Variants in SNX13 observed in about 807,000 individuals in gnomAD.
SNX13 encodes sorting nexin-13.
In SNX13, 45 loss-of-function variants were observed where a neutral mutation model predicts 133.6. The ratio of observed to expected loss-of-function variants is 0.34; its 90% CI spans 0.27 to 0.43. SNX13 has a LOEUF of 0.43. SNX13 is among the 20% of genes least tolerant of loss of function. The pLI, the probability that SNX13 is intolerant of heterozygous loss-of-function variation, is 1.00. For synonymous variants in SNX13, 414 were observed against 373.9 expected (o/e 1.11, Z -1.24); for missense variants, 1,032 against 1,145.1 (o/e 0.90, Z 1.43).
chr7:17,893,239 C>A, intron 3 of SNX13, 93 bp downstream of exon 3: 1 of 780,950 alleles, frequency 1.3e-6, no homozygotes, highest in Non-Finnish European at 2.0e-6. Flanking sequence ...GTAAACTATA[C>A]GAAAATTTGT....
At chr7:17,859,541 C>T (rs960457160) in intron 9 of SNX13, among the ~76,000 whole-genome samples, 1 of 152,142 alleles carries the variant, frequency 6.6e-6, no homozygotes, top group South Asian at 2.1e-4. Flanking sequence ...TGGTCAAAAA[C>T]AGAAAACATA....
At chr7:17,937,116 T>C (rs1297883220) in intron 1 of SNX13, among the ~76,000 whole-genome samples, 1 of 149,746 alleles carries the variant, frequency 6.7e-6, no homozygotes, top group Non-Finnish European at 1.5e-5. Context: ...GACTAGCAAG[T>C]TTTCTAAATA....
chr7:17,905,274 G>C (rs1312529775), intron 1 of SNX13, among the ~76,000 whole-genome samples: 1 of 152,098 alleles, frequency 6.6e-6, no homozygotes. Context: ...AATTATTTTG[G>C]AGGCTTCATA....
intron 9 of SNX13, among the ~76,000 whole-genome samples, chr7:17,854,183 T>G (rs1260184985): frequency 6.6e-6 from 1 of 152,182 alleles, no homozygotes; most frequent in Non-Finnish European, 1.5e-5. Flanking sequence ...TGGAGTAAAT[T>G]ATGCATGCAG....
At chr7:17,809,488 C>T (rs984901277) in intron 20 of SNX13, among the ~76,000 whole-genome samples, 2 of 151,986 alleles carry the variant, frequency 1.3e-5, no homozygotes, top group African/African-American at 4.8e-5. Context: ...AAGAGACCTA[C>T]AAAGAGACTT....
At chr7:17,892,651 C>A (rs1209817715) in intron 3 of SNX13, among the ~76,000 whole-genome samples, 1 of 151,950 alleles carries the variant, frequency 6.6e-6, no homozygotes, top group Non-Finnish European at 1.5e-5. Flanking sequence ...TAATATTGGA[C>A]ATTATTTACT....
chr7:17,816,298 CAAA>C lies in SNX13; in HGVS notation c.1846-12_1846-10del. ...CTTGAGAGACTTTCAAACTGTAAGA[CAAA>C]ATACATTCAATAGCACTTTTTATAA... is the stretch of plus-strand genomic sequence containing the variant. On this transcript the variant is annotated splice_polypyrimidine_tract_variant and intron_variant, in intron 18 of 25. Transcript: ENST00000428135. 5 of 1,533,186 alleles carry C rather than the reference CAAA, an allele frequency of 3.3e-6. No homozygotes were observed. The highest frequency in any genetic ancestry group is 4.4e-6 in the Non-Finnish European group (5 of 1,138,382). 95.0% of individuals were successfully genotyped at this position (1,533,186 alleles called of 1,614,324 possible).
At chr7:17,833,247 C>A (rs1788731740) in intron 15 of SNX13, among the ~76,000 whole-genome samples, 2 of 151,582 alleles carry the variant, frequency 1.3e-5, no homozygotes, top group Admixed American at 6.6e-5. Context: ...TAAAGGCTAT[C>A]CCTCCCACTA....
intron 15 of SNX13, chr7:17,832,283 A>G (rs1788586974): frequency 1.0e-6 from 1 of 984,504 alleles, no homozygotes; most frequent in African/African-American, 1.7e-5. Flanking sequence ...TGAAGAAGAC[A>G]GACTGGCTAG....
Position 17,793,404 on chromosome 7 carries a change from A to G in SNX13, c.*641T>C, listed in dbSNP as rs1583427241. On this transcript the variant is annotated 3_prime_UTR_variant, in exon 26 of 26. Transcript: ENST00000428135. Reference sequence around the variant, plus strand: ...TAAAAATTGTTGTATACCAATGAATAACAAATCCAATCAAATTCTGTGTTT... The same window carrying G: ...TAAAAATTGTTGTATACCAATGAATGACAAATCCAATCAAATTCTGTGTTT... 2.0e-5 allele frequency: 3 copies of G among 152,080 alleles called. No homozygotes were observed. The highest frequency in any genetic ancestry group is 2.0e-4 in the Admixed American group (3 of 15,238). 9.4% of individuals were successfully genotyped at this position (152,080 alleles called of 1,614,324 possible). A position where few individuals can be genotyped will look rare whatever the true frequency, so the allele number is the denominator to read the frequency against.
intron 1 of SNX13, among the ~76,000 whole-genome samples, chr7:17,911,030 T>G (rs376629396): frequency 1.3e-5 from 2 of 152,172 alleles, no homozygotes; most frequent in East Asian, 3.9e-4. Flanking sequence ...AAATGGCTAA[T>G]TTTACATTAT....
At chr7:17,841,758 T>TA (rs1176943792) in intron 12 of SNX13, among the ~76,000 whole-genome samples, 2 of 150,910 alleles carry the variant, frequency 1.3e-5, no homozygotes, top group African/African-American at 4.9e-5. Context: ...AAGAAAGATG[T>TA]AAAAAAGTCA....
intron 1 of SNX13, among the ~76,000 whole-genome samples, chr7:17,932,259 TAAC>T (rs1351480299): frequency 6.6e-6 from 1 of 152,188 alleles, no homozygotes; most frequent in Non-Finnish European, 1.5e-5. Flanking sequence ...TATATCAAAG[TAAC>T]AACCTAATCA....
At position 17,875,519 on chromosome 7, in the gene SNX13, A is replaced by G; in HGVS notation, c.625T>C (p.Cys209Arg). 6.2e-7 allele frequency: 1 copy of G among 1,610,672 alleles called. No homozygotes were observed. Among genetic ancestry groups the G allele is most frequent in the Admixed American group, 1.7e-5 (1 of 59,474 alleles). ...GGGGAAGTGCACACTAGATCACGGC[A>G]AACCTCCTTCTCCATTTCAACTTCA... ...EVEVEMEKEV[C>R]RDLVCTSPKD... The change falls in exon 7 of 26, where the codon TGC becomes CGC. Residue 209 changes from cysteine (C) to arginine (R), a missense_variant. Physicochemically the swap from Cys to Arg is radical, Grantham distance 180. Transcript: ENST00000428135.
chr7:17,911,562 C>G (rs1403444827), intron 1 of SNX13, among the ~76,000 whole-genome samples: 1 of 150,646 alleles, frequency 6.6e-6, no homozygotes, highest in East Asian at 2.0e-4. Flanking sequence ...CTGCTTGAAC[C>G]AGGAAGCAGA....
rs549478674 is a variant in SNX13 at position 17,803,698 on chromosome 7, T to C, written c.2065-118A>G. 2.1e-5 allele frequency: 18 copies of C among 856,396 alleles called. No homozygotes were observed. The South Asian group carries it at 3.3e-4, about 16-fold the overall frequency. 53.0% of individuals were successfully genotyped at this position (856,396 alleles called of 1,614,324 possible). On this transcript the variant is annotated intron_variant, in intron 20 of 25. Transcript: ENST00000428135. The stretch of plus-strand genomic sequence containing the variant: ...AAAGATGCAGTAATTTTCTGGTCTA[T>C]ATTATGTCGTTACATTTTAAAAGTA...
intron 5 of SNX13, among the ~76,000 whole-genome samples, chr7:17,878,841 T>C (rs1233393373): frequency 6.6e-6 from 1 of 152,154 alleles, no homozygotes; most frequent in African/African-American, 2.4e-5. Context: ...TTTCTTTCCA[T>C]TTGTCAAGTG....
chr7:17,877,346 A>G (rs1794845608), intron 5 of SNX13, among the ~76,000 whole-genome samples: 1 of 152,070 alleles, frequency 6.6e-6, no homozygotes, highest in African/African-American at 2.4e-5. Flanking sequence ...ATAAAAACTT[A>G]AACCTAGCAG....
intron 4 of SNX13, 97 bp downstream of exon 4, chr7:17,891,449 T>A (rs558099933): frequency 1.3e-6 from 1 of 770,630 alleles, no homozygotes; most frequent in African/African-American, 1.8e-5. Flanking sequence ...AATTCCAGGA[T>A]ATTATTTAAA....
Sources: gnomAD v4.1 joint callset for allele counts (sites outside exome capture counted in the v4.1 genomes callset) on GRCh38, gnomAD v4.1.1 for gene constraint, MANE v1.5 for transcripts, NCBI Gene and HGNC (gene_info 2026-07-23, HGNC 2026-07-21) for gene names.